ADGRB3: variants seen among roughly 807,000 people sequenced by gnomAD.
ADGRB3 encodes adhesion G protein-coupled receptor B3.
A neutral mutation model predicts 193.4 loss-of-function variants in ADGRB3; 37 were observed. The ratio of observed to expected loss-of-function variants is 0.19; its 90% CI spans 0.15 to 0.25. ADGRB3 has a LOEUF of 0.25. Ranked by LOEUF, ADGRB3 falls within the 10% of genes least tolerant of loss-of-function variation. The pLI, the probability that ADGRB3 is intolerant of heterozygous loss-of-function variation, is 1.00. For synonymous variants in ADGRB3, 690 were observed against 644.2 expected (o/e 1.07, Z -1.08); for missense variants, 1,637 against 1,852.9 (o/e 0.88, Z 2.14).
At chr6:69,233,524 G>C in intron 18 of ADGRB3, 108 bp downstream of exon 18, 2 of 1,378,896 alleles carry the variant, frequency 1.5e-6, no homozygotes, top group Non-Finnish European at 1.9e-6. Context: ...ATGTTGCAGG[G>C]TACAAAATTG....
chr6:69,346,334 A>G (rs1343834233), intron 26 of ADGRB3, among the ~76,000 whole-genome samples: 2 of 152,204 alleles, frequency 1.3e-5, no homozygotes, highest in African/African-American at 4.8e-5. Flanking sequence ...CTGACTTCAA[A>G]CTATACTACA....
intron 3 of ADGRB3, among the ~76,000 whole-genome samples, chr6:68,900,603 G>C (rs1336972541): frequency 6.6e-6 from 1 of 152,138 alleles, no homozygotes; most frequent in Non-Finnish European, 1.5e-5. Context: ...AGCCACTCCT[G>C]TCATTGCCCA....
intron 3 of ADGRB3, among the ~76,000 whole-genome samples, chr6:68,896,826 C>G (rs1260898874): frequency 2.0e-5 from 3 of 152,180 alleles, no homozygotes; most frequent in African/African-American, 7.2e-5. Context: ...TCTGTTGCCA[C>G]TCACAATAAT....
intron 8 of ADGRB3, among the ~76,000 whole-genome samples, chr6:68,960,751 G>C (rs1247085604): frequency 6.6e-6 from 1 of 152,018 alleles, no homozygotes; most frequent in South Asian, 2.1e-4. Flanking sequence ...GTGTACATAG[G>C]AATCATCCAG....
At chr6:68,704,241 A>T (rs1427415554) in intron 3 of ADGRB3, among the ~76,000 whole-genome samples, 1 of 152,148 alleles carries the variant, frequency 6.6e-6, no homozygotes, top group East Asian at 1.9e-4. Context: ...AGGCTTATTA[A>T]CCTAAAATAC....
rs762973689 is a variant in ADGRB3, at chr6:69,388,931, GCA to G, written c.*42_*43del. On this transcript the variant is annotated 3_prime_UTR_variant, in exon 32 of 32. Coordinates refer to ENST00000370598, the MANE Select transcript of ADGRB3 (RefSeq NM_001704.3). Reference sequence around the variant, plus strand: ...ACTAAGGTAGAGACAAAACTTTATTGCACTGACACTTAAGACTTGGGAAGCCT... The same window carrying G: ...ACTAAGGTAGAGACAAAACTTTATTGCTGACACTTAAGACTTGGGAAGCCT... 3 of 1,569,918 alleles carry G rather than the reference GCA, an allele frequency of 1.9e-6. No individual in the cohort carries two copies. The South Asian group carries it at 3.6e-5, about 19-fold the overall frequency.
chr6:68,642,345 A>G (rs1768102420), intron 3 of ADGRB3, among the ~76,000 whole-genome samples: 1 of 152,164 alleles, frequency 6.6e-6, no homozygotes, highest in African/African-American at 2.4e-5. Flanking sequence ...CACTGGTATT[A>G]TGACATAATA....
intron 3 of ADGRB3, among the ~76,000 whole-genome samples, chr6:68,884,071 C>T (rs1375404971): frequency 2.0e-5 from 3 of 152,168 alleles, no homozygotes; most frequent in African/African-American, 7.2e-5. Flanking sequence ...AAATGTGACA[C>T]CTGAGCTCCT....
At chr6:68,709,054 T>A (rs1408464321) in intron 3 of ADGRB3, among the ~76,000 whole-genome samples, 1 of 152,204 alleles carries the variant, frequency 6.6e-6, no homozygotes, top group Non-Finnish European at 1.5e-5. Flanking sequence ...ACTTTAAAGC[T>A]CAATGCTCTG....
intron 11 of ADGRB3, among the ~76,000 whole-genome samples, chr6:68,997,647 T>A (rs1769426179): frequency 7.8e-6 from 1 of 128,016 alleles, no homozygotes; most frequent in African/African-American, 3.1e-5. Context: ...AGTGACACTC[T>A]GTCTTAAATA....
rs1386543780 is a variant in ADGRB3 at position 68,665,819 on chromosome 6, G to C, written c.757+26387G>C. Reference sequence around the variant, plus strand: ...ATTTGGATTATAAGTTAACACCTTTGTATTCATGTACAGAGCTCTTATGTT... The same window carrying C: ...ATTTGGATTATAAGTTAACACCTTTCTATTCATGTACAGAGCTCTTATGTT... On this transcript the variant is annotated intron_variant, in intron 3 of 31. Coordinates refer to ENST00000370598, the MANE Select transcript of ADGRB3 (RefSeq NM_001704.3). Among the ~76,000 whole-genome samples, 3 of 151,688 alleles carry C rather than the reference G, an allele frequency of 2.0e-5. No individual in the cohort carries two copies. In the South Asian group the frequency reaches 6.2e-4, roughly 31 times the overall value.
intron 15 of ADGRB3, among the ~76,000 whole-genome samples, chr6:69,056,877 G>T (rs1258391468): frequency 6.6e-6 from 1 of 152,080 alleles, no homozygotes; most frequent in African/African-American, 2.4e-5. Context: ...TGAAAATAGA[G>T]AATACCTTTC....
chr6:68,783,139 G>A (rs576156255), intron 3 of ADGRB3, among the ~76,000 whole-genome samples: 3 of 151,122 alleles, frequency 2.0e-5, no homozygotes, highest in South Asian at 2.1e-4. Flanking sequence ...CTCTGAGTCC[G>A]GTTTGTTACT....
rs1168124235 is a variant in ADGRB3 at position 68,635,350 on chromosome 6, G to T, written c.-838G>T. ...CGCTCCCTCTCGCGCCTCCCTCCTCGCTGGGCATTCAAACAGCTTTCCGAC... is the reference window on the plus strand; with the variant it reads ...CGCTCCCTCTCGCGCCTCCCTCCTCTCTGGGCATTCAAACAGCTTTCCGAC... On this transcript the variant is annotated 5_prime_UTR_variant, in exon 1 of 32. Transcript: ENST00000370598. 6.6e-6 allele frequency: 1 copy of T among 152,018 alleles called. No homozygotes were observed. Among genetic ancestry groups the T allele is most frequent in the Non-Finnish European group, 1.5e-5 (1 of 68,168 alleles). The allele number at this position is 152,018 out of a possible 1,614,324, so 9.4% of individuals were successfully genotyped here.
chr6:69,221,021 A>G (rs114519923), intron 17 of ADGRB3, among the ~76,000 whole-genome samples: 302 of 152,024 alleles, frequency 2.0e-3, no homozygotes, highest in African/African-American at 6.8e-3. Context: ...TCCACACCAC[A>G]CTTGAGCAAA....
intron 3 of ADGRB3, among the ~76,000 whole-genome samples, chr6:68,823,582 A>G (rs1372893283): frequency 6.6e-6 from 1 of 151,986 alleles, no homozygotes; most frequent in Non-Finnish European, 1.5e-5. Context: ...TGTTTTTTCC[A>G]TTTGCTCATG....
intron 17 of ADGRB3, among the ~76,000 whole-genome samples, chr6:69,187,785 AAGG>A (rs1325810457): frequency 6.6e-6 from 1 of 152,160 alleles, no homozygotes; most frequent in Non-Finnish European, 1.5e-5. Context: ...TGGCTCTTGA[AAGG>A]AGATTGGAGG....
intron 20 of ADGRB3, among the ~76,000 whole-genome samples, chr6:69,259,512 G>A (rs564711668): frequency 1.6e-3 from 239 of 151,980 alleles, no homozygotes; most frequent in African/African-American, 5.1e-3. Context: ...TGGCTAACAC[G>A]GTGAAACCCA....
chr6:69,242,716 C>T (rs1582571861), intron 20 of ADGRB3, among the ~76,000 whole-genome samples: 1 of 151,874 alleles, frequency 6.6e-6, no homozygotes, highest in Non-Finnish European at 1.5e-5. Flanking sequence ...TTTATTATAT[C>T]TTTTCTTAAA....
Sources: gnomAD v4.1 joint callset for allele counts (sites outside exome capture counted in the v4.1 genomes callset) on GRCh38, gnomAD v4.1.1 for gene constraint, MANE v1.5 for transcripts, NCBI Gene and HGNC (gene_info 2026-07-23, HGNC 2026-07-21) for gene names.